ERCC8: variants seen among roughly 807,000 people sequenced by gnomAD.
The protein encoded by ERCC8 is ERCC excision repair 8, CSA ubiquitin ligase complex subunit.
Under a neutral mutation model 54.9 loss-of-function variants are expected in ERCC8, and 52 were observed. That is an observed-to-expected ratio of 0.95 (90% confidence interval 0.76 to 1.19). The LOEUF is 1.19. ERCC8 is among the 50% of genes most tolerant of loss of function. The pLI is 0.00. For synonymous variants in ERCC8, 146 were observed against 157.2 expected, an observed-to-expected ratio of 0.93 and a Z score of 0.53; for missense variants, 514 against 466.1, an observed-to-expected ratio of 1.10 and a Z score of -0.95.
chr5:60,935,882 T>A (rs954954611), intron 1 of ERCC8, among the ~76,000 whole-genome samples: 3 of 152,344 alleles, frequency 2.0e-5, no homozygotes, highest in African/African-American at 7.2e-5. Context: ...ATTCCTGGTA[T>A]GAAACCCACT....
chr5:60,893,545 T>C, intron 9 of ERCC8: 4 of 713,646 alleles, frequency 5.6e-6, no homozygotes, highest in Non-Finnish European at 7.7e-6. Flanking sequence ...AAACTTTACC[T>C]GGCTTTTCAT....
Position 60,887,449 on chromosome 5 carries a change from A to G in ERCC8, c.1113T>C (p.Asp371=), listed in dbSNP as rs574268856. 2 of 1,611,672 alleles carry G rather than the reference A, an allele frequency of 1.2e-6. No homozygotes were observed. Among genetic ancestry groups the G allele is most frequent in the African/African-American group, 1.3e-5 (1 of 74,968 alleles). ...WVPSLYEPVP[D]DDETTTKSQL... ...TGAAAATAATATTTACCTCATCATC[A>G]TCAGGAACTGGTTCATATAAGGATG... Residue 371 remains aspartate, a synonymous_variant, in exon 11 of 12, where the codon GAT becomes GAC. Coordinates refer to ENST00000676185, the MANE Select transcript of ERCC8 (RefSeq NM_000082.4).
intron 1 of ERCC8, among the ~76,000 whole-genome samples, chr5:60,929,258 T>TA (rs35290874): frequency 2.6e-5 from 4 of 152,116 alleles, no homozygotes; most frequent in Admixed American, 1.3e-4. Context: ...ATTACAGGAT[T>TA]AAAAAAATTC....
intron 4 of ERCC8, 119 bp downstream of exon 4, chr5:60,918,146 C>G: frequency 1.2e-6 from 1 of 812,052 alleles, no homozygotes; most frequent in South Asian, 1.4e-5. Flanking sequence ...TTCTTAACCA[C>G]TGTACTGCTT....
At chr5:60,889,602 T>C (rs976734429) in intron 10 of ERCC8, among the ~76,000 whole-genome samples, 1 of 152,178 alleles carries the variant, frequency 6.6e-6, no homozygotes, top group Non-Finnish European at 1.5e-5. Flanking sequence ...TGCGCAGCCA[T>C]TGTCACGATT....
chr5:60,926,614 G>T lies in ERCC8; in HGVS notation c.173+2250C>A, dbSNP rs533677854. ...TTCCACATTAGCTTTATTACATTTTGTAGTTCAGTTACTCTAATTGTGTAC... is the reference window on the plus strand; with the variant it reads ...TTCCACATTAGCTTTATTACATTTTTTAGTTCAGTTACTCTAATTGTGTAC... On this transcript the variant is annotated intron_variant, in intron 2 of 11. Coordinates refer to ENST00000676185, the MANE Select transcript of ERCC8 (RefSeq NM_000082.4). 3.9e-5 allele frequency among the ~76,000 whole-genome samples: 6 copies of T among 152,242 alleles called. No individual in the cohort carries two copies. The South Asian group carries it at 8.3e-4, about 21-fold the overall frequency.
At chr5:60,902,611 T>C (rs1280034612) in intron 6 of ERCC8, 103 bp from the exon 7 acceptor site, 1 of 853,466 alleles carries the variant, frequency 1.2e-6, no homozygotes, top group Admixed American at 1.7e-5. Context: ...GGCCAAATAT[T>C]CAATGTGAAT....
chr5:60,898,407 T>G lies in ERCC8; in HGVS notation c.719-7A>C. ...CCATTATGAGCAGTGTTTGCTGCAA[T>G]GAAAAACATAGTTCAGTTTATCTGT... On this transcript the variant is annotated splice_polypyrimidine_tract_variant and splice_region_variant and intron_variant, in intron 8 of 11. Coordinates refer to ENST00000676185, the MANE Select transcript of ERCC8 (RefSeq NM_000082.4). 6.2e-7 allele frequency: 1 copy of G among 1,613,292 alleles called. No individual in the cohort carries two copies. The highest frequency in any genetic ancestry group is 8.5e-7 in the Non-Finnish European group (1 of 1,179,440).
At chr5:60,879,193 T>G (rs1304275766) in intron 11 of ERCC8, among the ~76,000 whole-genome samples, 2 of 152,240 alleles carry the variant, frequency 1.3e-5, no homozygotes, top group Non-Finnish European at 1.5e-5. Flanking sequence ...GTGAGTTTCT[T>G]AATCCTGAGT....
chr5:60,935,204 C>T (rs1313280656), intron 1 of ERCC8, among the ~76,000 whole-genome samples: 1 of 152,100 alleles, frequency 6.6e-6, no homozygotes, highest in Non-Finnish European at 1.5e-5. Flanking sequence ...TTGTGTCATC[C>T]ATGATTTCTT....
intron 1 of ERCC8, among the ~76,000 whole-genome samples, chr5:60,943,949 C>G (rs1300559077): frequency 6.6e-6 from 1 of 152,154 alleles, no homozygotes; most frequent in Non-Finnish European, 1.5e-5. Context: ...ATGTTGGAAA[C>G]TAATATTTAA....
intron 1 of ERCC8, among the ~76,000 whole-genome samples, chr5:60,929,770 T>G (rs748857897): frequency 3.9e-5 from 6 of 152,194 alleles, no homozygotes; most frequent in Non-Finnish European, 8.8e-5. Context: ...AGTTTGTATA[T>G]AAAAGGTGCT....
chr5:60,916,024 T>G (rs995350265), intron 4 of ERCC8, among the ~76,000 whole-genome samples: 2 of 152,012 alleles, frequency 1.3e-5, no homozygotes, highest in Non-Finnish European at 2.9e-5. Flanking sequence ...TAGCAAGTAC[T>G]GCACTGCAAT....
At chr5:60,887,077 AAC>A (rs1473259993) in intron 11 of ERCC8, among the ~76,000 whole-genome samples, 46 of 152,364 alleles carry the variant, frequency 3.0e-4, no homozygotes, top group African/African-American at 9.9e-4. Flanking sequence ...CATAGGAAAA[AAC>A]AGTTATGAAA....
chr5:60,921,214 A>G (rs1037978997), intron 3 of ERCC8, among the ~76,000 whole-genome samples: 2 of 151,932 alleles, frequency 1.3e-5, no homozygotes, highest in African/African-American at 2.4e-5. Context: ...CTAATGCGAA[A>G]CACCAGAGCC....
At position 60,919,977 on chromosome 5, in the gene ERCC8, A is replaced by G. The variant is rs79222208; in HGVS notation, c.276-1589T>C. Among the ~76,000 whole-genome samples the G allele has an allele frequency of 2.4e-3, 361 of 152,092 alleles. 2 individuals are homozygous for G. The highest frequency in any genetic ancestry group is 8.4e-3 in the African/African-American group (349 of 41,530). ...GATGAGCATTCAAACTCCTATTTAG[A>G]GGAAATGCCCTTTGTTTTACTGAAA... On this transcript the variant is annotated intron_variant, in intron 3 of 11. Transcript: ENST00000676185.
At position 60,938,073 on chromosome 5, in the gene ERCC8, ATATATATATATATTTTATT is replaced by A. The variant is rs1561519040; in HGVS notation, c.77+6840_77+6858del. Among the ~76,000 whole-genome samples, 158 of 30,658 alleles carry A rather than the reference ATATATATATATATTTTATT, an allele frequency of 5.2e-3. 5 individuals carry two copies. The highest frequency in any genetic ancestry group is 0.02 in the East Asian group (32 of 1,588). 20.1% of individuals were successfully genotyped at this position (30,658 alleles called of 152,430 possible). On this transcript the variant is annotated intron_variant, in intron 1 of 11. Transcript: ENST00000676185. Reference sequence around the variant, plus strand: ...CATATATATATATATATATATATATATATATATATATATTTTATTTTTTTTTTTTTTAGGTTACGAAGTT... The same window carrying A: ...CATATATATATATATATATATATATATTTTTTTTTTTTAGGTTACGAAGTT...
At chr5:60,918,788 T>C (rs1285818769) in intron 3 of ERCC8, among the ~76,000 whole-genome samples, 3 of 152,068 alleles carry the variant, frequency 2.0e-5, no homozygotes, top group Admixed American at 6.6e-5. Context: ...CTTAGAATTA[T>C]TGAATGCCTC....
In ERCC8 at chr5:60,907,397, G is replaced by A. The variant is rs1749108762; in HGVS notation, c.400-2524C>T. 3 of 138,660 alleles carry A rather than the reference G, an allele frequency of 2.2e-5. No homozygotes were observed. The South Asian group carries it at 6.8e-4, about 31-fold the overall frequency. 8.6% of individuals were successfully genotyped at this position (138,660 alleles called of 1,614,324 possible). ...TGAGATGGAGTCGCTCTGTTGCCCA[G>A]GCTGGTGTGCAGTGGCACGATCTTG... is the stretch of plus-strand genomic sequence containing the variant. On this transcript the variant is annotated intron_variant, in intron 4 of 11. Coordinates refer to ENST00000676185, the MANE Select transcript of ERCC8 (RefSeq NM_000082.4).
Sources: allele counts gnomAD v4.1 joint callset (sites outside exome capture counted in the v4.1 genomes callset), GRCh38; gene constraint gnomAD v4.1.1; transcripts MANE v1.5; gene names NCBI Gene and HGNC (gene_info 2026-07-23, HGNC 2026-07-21).